TRAPPC9: variants seen among roughly 807,000 people sequenced by gnomAD.
TRAPPC9 encodes trafficking protein particle complex subunit 9.
In TRAPPC9, 83 loss-of-function variants were observed where a neutral mutation model predicts 124.0. The observed-to-expected ratio is 0.67, with a 90% CI of 0.56 to 0.80. TRAPPC9 has a LOEUF of 0.80. Ranked by LOEUF, TRAPPC9 falls within the 30% of genes least tolerant of loss-of-function variation. The pLI is 0.00. For missense variants in TRAPPC9, 1,302 were observed against 1,508.3 expected, an observed-to-expected ratio of 0.86 and a Z score of 2.27; for synonymous variants, 638 against 617.5, an observed-to-expected ratio of 1.03 and a Z score of -0.49.
Position 140,216,120 on chromosome 8 carries a change from G to A in TRAPPC9, c.2556+5339C>T, listed in dbSNP as rs2063186788. The A allele has an allele frequency of 1.3e-5, 2 of 152,210 alleles. No homozygotes were observed. Among genetic ancestry groups the A allele is most frequent in the Non-Finnish European group, 2.9e-5 (2 of 68,038 alleles). The allele number at this position is 152,210 out of a possible 1,614,324, so 9.4% of individuals were successfully genotyped here. On this transcript the variant is annotated intron_variant, in intron 17 of 22. Transcript: ENST00000438773. The surrounding 1 kb of genome is among the most constrained non-coding windows in gnomAD (Gnocchi z 4.1). ...GACCAAAGTGGGTAACTTGGAGAGT[G>A]TGACATCACCTCAAGGAGCCTCAGT...
chr8:139,892,791 C>T (rs1830429670), intron 20 of TRAPPC9, among the ~76,000 whole-genome samples: 1 of 152,208 alleles, frequency 6.6e-6, no homozygotes, highest in Admixed American at 6.5e-5. Context: ...CACTCCTCCA[C>T]TGTGGAAGCT....
intron 21 of TRAPPC9, among the ~76,000 whole-genome samples, chr8:139,757,539 C>T (rs958208831): frequency 2.0e-5 from 3 of 151,886 alleles, no homozygotes; most frequent in Non-Finnish European, 2.9e-5. Context: ...ATGGGGACAG[C>T]GTGTCGCCGG....
rs539381621 is a variant in TRAPPC9 at position 140,104,163 on chromosome 8, C to G, written c.2557-80084G>C. Reference sequence around the variant, plus strand: ...GAAACTGTCTCCTGGGAGGGCAGATCTGTAAACAAAGAATGACAGTAGAAT... The same window carrying G: ...GAAACTGTCTCCTGGGAGGGCAGATGTGTAAACAAAGAATGACAGTAGAAT... On this transcript the variant is annotated intron_variant, in intron 17 of 22. Transcript: ENST00000438773. The surrounding 1 kb of genome is among the most constrained non-coding windows in gnomAD (Gnocchi z 4.0). 8.5e-5 allele frequency among the ~76,000 whole-genome samples: 13 copies of G among 152,268 alleles called. 1 individual carries two copies. In the South Asian group the frequency reaches 2.1e-3, roughly 24 times the overall value.
intron 17 of TRAPPC9, among the ~76,000 whole-genome samples, chr8:140,145,203 A>G (rs1051498496): frequency 1.3e-5 from 2 of 152,108 alleles, no homozygotes; most frequent in Non-Finnish European, 2.9e-5. Context: ...CAGTTTATCC[A>G]TAGATTGTCT....
intron 21 of TRAPPC9, among the ~76,000 whole-genome samples, chr8:139,880,654 A>G: frequency 6.6e-6 from 1 of 152,184 alleles, no homozygotes; most frequent in East Asian, 1.9e-4. Flanking sequence ...TAAACATCTC[A>G]AGATCCCTAA....
intron 17 of TRAPPC9, among the ~76,000 whole-genome samples, chr8:140,184,888 C>T (rs2131037535): frequency 6.6e-6 from 1 of 152,318 alleles, no homozygotes; most frequent in South Asian, 2.1e-4. Context: ...TCTGCTCTGT[C>T]ACCGAGCCCA....
At position 140,283,874 on chromosome 8, in the gene TRAPPC9, C is replaced by T; in HGVS notation, c.2114+15G>A. On this transcript the variant is annotated intron_variant, in intron 14 of 22. Transcript: ENST00000438773. The stretch of plus-strand genomic sequence containing the variant: ...CCTCAGAGCCACTCTGCTCTGTGAC[C>T]CTCGTGCACACTACCTGGGCAGAGA... 6.2e-7 allele frequency: 1 copy of T among 1,613,940 alleles called. No individual in the cohort carries two copies.
At position 140,359,817 on chromosome 8, in the gene TRAPPC9, C is replaced by T. The variant is rs144058511; in HGVS notation, c.1495+233G>A. Among the ~76,000 whole-genome samples the T allele has an allele frequency of 5.9e-5, 9 of 152,104 alleles. No homozygotes were observed. The East Asian group carries it at 1.7e-3, about 29-fold the overall frequency. The stretch of plus-strand genomic sequence containing the variant: ...GGGAAAAGCCATGGAGTGTGGCGGC[C>T]GAGGAGCAGGAGGAGATGGCGTGAA... On this transcript the variant is annotated intron_variant, in intron 9 of 22. Coordinates refer to ENST00000438773, the MANE Select transcript of TRAPPC9 (RefSeq NM_001160372.4).
chr8:139,759,065 C>T (rs750253187), intron 21 of TRAPPC9, among the ~76,000 whole-genome samples: 1 of 152,020 alleles, frequency 6.6e-6, no homozygotes, highest in Non-Finnish European at 1.5e-5. Flanking sequence ...TTGATGGCAA[C>T]TGGTGAGTGG....
intron 21 of TRAPPC9, among the ~76,000 whole-genome samples, chr8:139,769,898 C>T (rs1318688845): frequency 1.3e-5 from 2 of 152,170 alleles, no homozygotes; most frequent in African/African-American, 4.8e-5. Flanking sequence ...TGGTGCCTGC[C>T]GGGTGCTGGA....
chr8:139,792,414 G>A (rs569505412), intron 21 of TRAPPC9, among the ~76,000 whole-genome samples: 17 of 152,352 alleles, frequency 1.1e-4, no homozygotes, highest in African/African-American at 2.6e-4. Flanking sequence ...ACGCGTGTGC[G>A]CGTGTGTGCG....
chr8:140,003,997 C>G (rs1336163543), intron 18 of TRAPPC9, among the ~76,000 whole-genome samples: 3 of 152,180 alleles, frequency 2.0e-5, no homozygotes, highest in Non-Finnish European at 2.9e-5. Context: ...ACCTGTACAA[C>G]AGAAAGCAAC....
chr8:139,973,347 C>T (rs977297896), intron 19 of TRAPPC9, among the ~76,000 whole-genome samples: 4 of 152,198 alleles, frequency 2.6e-5, no homozygotes, highest in African/African-American at 9.6e-5. Context: ...GCCGTCCCTG[C>T]AAGATCTGTG....
intron 6 of TRAPPC9, among the ~76,000 whole-genome samples, chr8:140,400,400 A>C (rs2069226034): frequency 6.6e-6 from 1 of 152,222 alleles, no homozygotes; most frequent in Non-Finnish European, 1.5e-5. Flanking sequence ...TTTGCTATCC[A>C]TTTCTGCTTA....
At chr8:140,153,639 T>A (rs1233000428) in intron 17 of TRAPPC9, among the ~76,000 whole-genome samples, 1 of 152,228 alleles carries the variant, frequency 6.6e-6, no homozygotes, top group Non-Finnish European at 1.5e-5. Context: ...ATATTACATA[T>A]GGCATTGTTG....
chr8:139,870,522 G>A (rs1377240413), intron 21 of TRAPPC9, among the ~76,000 whole-genome samples: 1 of 152,086 alleles, frequency 6.6e-6, no homozygotes, highest in Non-Finnish European at 1.5e-5. Flanking sequence ...AACAACCTAC[G>A]TCCATCAAAA....
intron 17 of TRAPPC9, among the ~76,000 whole-genome samples, chr8:140,133,551 C>A (rs1219040272): frequency 1.3e-5 from 2 of 152,180 alleles, no homozygotes; most frequent in Non-Finnish European, 2.9e-5. Context: ...GAATCAGAGT[C>A]TTCCTCAGAG....
chr8:140,452,775 G>A (rs1010995503), intron 1 of TRAPPC9, among the ~76,000 whole-genome samples: 3 of 152,186 alleles, frequency 2.0e-5, no homozygotes, highest in Non-Finnish European at 4.4e-5. Context: ...GCTGCCCCCA[G>A]CCTACAGACG....
chr8:140,176,970 A>G (rs1277238869), intron 17 of TRAPPC9, among the ~76,000 whole-genome samples: 1 of 152,148 alleles, frequency 6.6e-6, no homozygotes, highest in Non-Finnish European at 1.5e-5. Context: ...AGCTATTCAA[A>G]TCATTTGCCT....
Sources: gnomAD v4.1 joint callset for allele counts (sites outside exome capture counted in the v4.1 genomes callset) on GRCh38, gnomAD v4.1.1 for gene constraint, Gnocchi (gnomAD v3.1) non-coding constraint, MANE v1.5 for transcripts, NCBI Gene and HGNC (gene_info 2026-07-23, HGNC 2026-07-21) for gene names.